IFT80: variants seen among roughly 807,000 people sequenced by gnomAD.
IFT80 encodes the protein intraflagellar transport 80.
A neutral mutation model predicts 107.9 loss-of-function variants in IFT80; 79 were observed. That is an observed-to-expected ratio of 0.73 (90% CI 0.61 to 0.88). The LOEUF is 0.88. Ranked by LOEUF, IFT80 falls within the 40% of genes least tolerant of loss-of-function variation. The pLI is 0.00. For missense variants in IFT80, 797 were observed against 914.2 expected (o/e 0.87, Z 1.65); for synonymous variants, 299 against 300.9 (o/e 0.99, Z 0.07).
In IFT80 at chr3:160,274,816, T is replaced by C. The variant is rs574389345; in HGVS notation, c.2099+2490A>G. ...TAGCCTGTAATCCCAGCTACTTAGG[T>C]GGCTGAAGTACGATAATCACTTAAA... On this transcript the variant is annotated intron_variant, in intron 18 of 19. Transcript: ENST00000326448. 2.0e-5 allele frequency among the ~76,000 whole-genome samples: 3 copies of C among 152,226 alleles called. No individual in the cohort carries two copies. The South Asian group carries it at 6.2e-4, about 32-fold the overall frequency.
chr3:160,382,222 A>T (rs1348136803), intron 2 of IFT80, among the ~76,000 whole-genome samples: 1 of 152,334 alleles, frequency 6.6e-6, no homozygotes, highest in East Asian at 1.9e-4. Context: ...ATCTAACAGT[A>T]GGCTATCCTT....
At chr3:160,366,730 C>G (rs1721894402) in intron 5 of IFT80, among the ~76,000 whole-genome samples, 1 of 151,964 alleles carries the variant, frequency 6.6e-6, no homozygotes. Flanking sequence ...CACATGAGAT[C>G]TTTTGATACA....
At chr3:160,286,352 G>A (rs1715090796) in intron 12 of IFT80, among the ~76,000 whole-genome samples, 1 of 152,138 alleles carries the variant, frequency 6.6e-6, no homozygotes, top group Non-Finnish European at 1.5e-5. Context: ...GGGTGCAGAT[G>A]GTTAAAAGCC....
intron 8 of IFT80, among the ~76,000 whole-genome samples, chr3:160,348,631 CAT>C (rs1443941989): frequency 3.3e-5 from 5 of 152,268 alleles, no homozygotes; most frequent in African/African-American, 9.6e-5. Flanking sequence ...AAAATAAAAA[CAT>C]GTGTTCACAC....
At chr3:160,286,089 T>A (rs1260018611) in intron 12 of IFT80, among the ~76,000 whole-genome samples, 1 of 152,222 alleles carries the variant, frequency 6.6e-6, no homozygotes, top group Non-Finnish European at 1.5e-5. Context: ...AGAATTTTTA[T>A]TAATGGTATG....
At chr3:160,325,636 C>T (rs973306723) in intron 8 of IFT80, among the ~76,000 whole-genome samples, 4 of 152,004 alleles carry the variant, frequency 2.6e-5, no homozygotes, top group African/African-American at 7.2e-5. Flanking sequence ...TTTTGAATTT[C>T]TTCAGATTTT....
chr3:160,262,159 T>C (rs1317619070), intron 19 of IFT80, among the ~76,000 whole-genome samples: 2 of 152,168 alleles, frequency 1.3e-5, no homozygotes, highest in Non-Finnish European at 2.9e-5. Flanking sequence ...ATGTGCAGTG[T>C]ACATCACAGC....
intron 12 of IFT80, among the ~76,000 whole-genome samples, chr3:160,291,899 G>A (rs1177025104): frequency 6.6e-6 from 1 of 152,208 alleles, no homozygotes; most frequent in Non-Finnish European, 1.5e-5. Context: ...GTGGCCCCCT[G>A]GGTATATGAA....
chr3:160,301,544 G>A (rs1038004575), intron 11 of IFT80, among the ~76,000 whole-genome samples: 13 of 151,820 alleles, frequency 8.6e-5, no homozygotes, highest in Admixed American at 8.5e-4. Flanking sequence ...ATTAACATTA[G>A]GGCAAGCATT....
rs981682997 is a variant in IFT80, at chr3:160,257,189, G to A, written c.*1336C>T. The A allele has an allele frequency of 4.6e-5, 7 of 151,688 alleles. No homozygotes were observed. The highest frequency in any genetic ancestry group is 1.2e-4 in the African/African-American group (5 of 41,242). 9.4% of individuals were successfully genotyped at this position (151,688 alleles called of 1,614,324 possible). A position where few individuals can be genotyped will look rare whatever the true frequency, so the allele number is the denominator to read the frequency against. ...CAAGAACAGAATATTCCAATATTCC[G>A]GAAAAGAAAAGAAACATGTTAAAAA... On this transcript the variant is annotated 3_prime_UTR_variant, in exon 20 of 20. Coordinates refer to ENST00000326448, the MANE Select transcript of IFT80 (RefSeq NM_020800.3).
At chr3:160,260,047 T>C (rs1357159941) in intron 19 of IFT80, among the ~76,000 whole-genome samples, 1 of 152,194 alleles carries the variant, frequency 6.6e-6, no homozygotes, top group Non-Finnish European at 1.5e-5. Context: ...TCTTTTATGC[T>C]GGAGGTTAAA....
At chr3:160,285,724 T>G (rs1206727215) in intron 13 of IFT80, 80 bp downstream of exon 13, 1 of 993,046 alleles carries the variant, frequency 1.0e-6, no homozygotes, top group African/African-American at 1.6e-5. Context: ...TTGTGTCCTC[T>G]TTAAAATGAA....
At position 160,325,491 on chromosome 3, in the gene IFT80, T is replaced by A. The variant is rs1348099982; in HGVS notation, c.778-5552A>T. 3.3e-5 allele frequency among the ~76,000 whole-genome samples: 5 copies of A among 152,068 alleles called. No individual in the cohort carries two copies. In the East Asian group the frequency reaches 9.6e-4, roughly 29 times the overall value. On this transcript the variant is annotated intron_variant, in intron 8 of 19. Coordinates refer to ENST00000326448, the MANE Select transcript of IFT80 (RefSeq NM_020800.3). ...GATAATAGTATATCATCATCCTATA[T>A]TCAACTGATTTCCTTTACAGTCCAC...
At chr3:160,320,184 T>A (rs17826137) in intron 8 of IFT80, 95,789 of 417,168 alleles carry the variant, frequency 0.23, 11,742 homozygotes, top group Non-Finnish European at 0.26. Flanking sequence ...AAAACCCACA[T>A]CATCTCAATG....
chr3:160,295,992 AGGGAG>A (rs1387105968), intron 12 of IFT80, among the ~76,000 whole-genome samples: 1 of 152,212 alleles, frequency 6.6e-6, no homozygotes, highest in African/African-American at 2.4e-5. Flanking sequence ...CAGAGGCAGC[AGGGAG>A]GGGGAAATGG....
chr3:160,353,720 A>G (rs1210198375), intron 8 of IFT80, among the ~76,000 whole-genome samples: 2 of 152,200 alleles, frequency 1.3e-5, no homozygotes, highest in Non-Finnish European at 2.9e-5. Flanking sequence ...CTTCCTGTAT[A>G]GCACTTGTCA....
rs533128628 is a variant in IFT80, at chr3:160,308,148, T to C, written c.958-367A>G. Among the ~76,000 whole-genome samples, 18 of 152,234 alleles carry C rather than the reference T, an allele frequency of 1.2e-4. No homozygotes were observed. The South Asian group carries it at 3.5e-3, about 30-fold the overall frequency. ...GATTCTATGTGATTTCTGCCCAAAA[T>C]GGTAAGAATATCTCTTTTTGGTGTT... On this transcript the variant is annotated intron_variant, in intron 9 of 19. Coordinates refer to ENST00000326448, the MANE Select transcript of IFT80 (RefSeq NM_020800.3).
chr3:160,378,529 G>A (rs1041210497), intron 3 of IFT80, among the ~76,000 whole-genome samples: 1 of 151,694 alleles, frequency 6.6e-6, no homozygotes, highest in Non-Finnish European at 1.5e-5. Context: ...AAAAAGAACA[G>A]GTCTCTGTGG....
At chr3:160,298,596 A>G (rs1055125764) in intron 12 of IFT80, among the ~76,000 whole-genome samples, 1 of 152,186 alleles carries the variant, frequency 6.6e-6, no homozygotes, top group Non-Finnish European at 1.5e-5. Context: ...AGAAAATTTC[A>G]GAAAATTTCA....
Sources: allele counts gnomAD v4.1 joint callset (sites outside exome capture counted in the v4.1 genomes callset), GRCh38; gene constraint gnomAD v4.1.1; transcripts MANE v1.5; gene names NCBI Gene and HGNC (gene_info 2026-07-23, HGNC 2026-07-21).